Variants in VEGFC observed in about 807,000 individuals in gnomAD.
VEGFC encodes vascular endothelial growth factor C, also known as FLT4 ligand DHM.
VEGFC carries 12 observed loss-of-function variants against 46.1 expected under a neutral mutation model. The ratio of observed to expected loss-of-function variants is 0.26; its 90% CI spans 0.17 to 0.42. The LOEUF (loss-of-function observed/expected upper bound fraction) is 0.42. Among genes scored for constraint, VEGFC ranks in the 10% least tolerant of loss-of-function variants. The pLI, the probability that VEGFC is intolerant of heterozygous loss-of-function variation, is 1.00. For missense variants in VEGFC, 488 were observed against 529.4 expected (o/e 0.92, Z 0.77); for synonymous variants, 232 against 195.5 (o/e 1.19, Z -1.56).
intron 3 of VEGFC, among the ~76,000 whole-genome samples, chr4:176,719,627 C>T (rs1158665304): frequency 2.0e-5 from 3 of 152,170 alleles, no homozygotes; most frequent in Admixed American, 2.0e-4. Flanking sequence ...ATGTTGATTT[C>T]GCTTGCTAAT....
At chr4:176,684,148 T>C in intron 6 of VEGFC, 108 bp from the exon 7 acceptor site, 1 of 825,610 alleles carries the variant, frequency 1.2e-6, no homozygotes, top group East Asian at 2.5e-5. Flanking sequence ...ATAAAATTAC[T>C]AATTTTATGA....
In VEGFC at chr4:176,792,271, A is replaced by T. The variant is rs1736111133; in HGVS notation, c.41T>A (p.Leu14His). 1 of 1,549,956 alleles carries T rather than the reference A, an allele frequency of 6.5e-7. No homozygotes were observed. Among genetic ancestry groups the T allele is most frequent in the Admixed American group, 2.0e-5 (1 of 50,230 alleles). ...LGFFSVACSLLAAALLPGPRE... is the reference protein window; with the variant it reads ...LGFFSVACSLHAAALLPGPRE... ...AGGACCCGGGAGCAGCGCAGCGGCGAGCAGAGAACACGCCACAGAGAAGAA... is the reference window on the plus strand; with the variant it reads ...AGGACCCGGGAGCAGCGCAGCGGCGTGCAGAGAACACGCCACAGAGAAGAA... The change falls in exon 1 of 7, where the codon CTC becomes CAC. Residue 14 changes from leucine to histidine, a missense_variant. Transcript: ENST00000618562. The surrounding 1 kb of genome is among the most constrained non-coding windows in gnomAD (Gnocchi z 6.3).
intron 4 of VEGFC, among the ~76,000 whole-genome samples, chr4:176,703,900 C>T (rs1734478147): frequency 6.6e-6 from 1 of 152,122 alleles, no homozygotes; most frequent in East Asian, 1.9e-4. Context: ...CTTTCTGATT[C>T]AGTTTCTCAT....
chr4:176,741,268 T>C (rs1388237867), intron 1 of VEGFC, among the ~76,000 whole-genome samples: 1 of 152,044 alleles, frequency 6.6e-6, no homozygotes, highest in Admixed American at 6.6e-5. Context: ...ATGTTTGTGC[T>C]AATTCCTGCT....
At chr4:176,756,707 T>C (rs1385548858) in intron 1 of VEGFC, among the ~76,000 whole-genome samples, 1 of 152,054 alleles carries the variant, frequency 6.6e-6, no homozygotes, top group Non-Finnish European at 1.5e-5. Context: ...GGTTAAGATG[T>C]AGAAATGATA....
At chr4:176,714,989 A>C (rs1374669506) in intron 3 of VEGFC, among the ~76,000 whole-genome samples, 1 of 152,250 alleles carries the variant, frequency 6.6e-6, no homozygotes, top group African/African-American at 2.4e-5. Flanking sequence ...CAGGTAAAAC[A>C]GCACTAAAAC....
intron 1 of VEGFC, among the ~76,000 whole-genome samples, chr4:176,778,444 G>A (rs770001924): frequency 6.6e-5 from 10 of 151,910 alleles, no homozygotes; most frequent in African/African-American, 2.2e-4. Context: ...AATGCTAGTA[G>A]AGGGCAAGTT....
chr4:176,751,304 G>A (rs1298266533), intron 1 of VEGFC, among the ~76,000 whole-genome samples: 9 of 151,950 alleles, frequency 5.9e-5, no homozygotes, highest in Middle Eastern at 3.4e-3. Flanking sequence ...GAATTGAAAC[G>A]CGAATAGCTC....
intron 1 of VEGFC, among the ~76,000 whole-genome samples, chr4:176,777,196 A>C (rs1380196941): frequency 1.3e-5 from 2 of 152,156 alleles, no homozygotes; most frequent in Non-Finnish European, 2.9e-5. Flanking sequence ...GGGCGCCTGT[A>C]GTCCCAGCTA....
chr4:176,718,077 T>TC (rs1734725145), intron 3 of VEGFC, among the ~76,000 whole-genome samples: 1 of 152,160 alleles, frequency 6.6e-6, no homozygotes, highest in Non-Finnish European at 1.5e-5. Context: ...TACGTGAATC[T>TC]CATTGTACCT....
intron 3 of VEGFC, among the ~76,000 whole-genome samples, chr4:176,724,836 T>C (rs1374526199): frequency 6.6e-6 from 1 of 152,148 alleles, no homozygotes; most frequent in Non-Finnish European, 1.5e-5. Context: ...AAATCCTGCA[T>C]GTTCTCATTT....
At chr4:176,692,937 TAACA>T (rs1734234399) in intron 4 of VEGFC, among the ~76,000 whole-genome samples, 1 of 148,008 alleles carries the variant, frequency 6.8e-6, no homozygotes, top group Non-Finnish European at 1.5e-5. Flanking sequence ...GAAGGAAAAC[TAACA>T]AACAGAAAGG....
intron 1 of VEGFC, among the ~76,000 whole-genome samples, chr4:176,788,429 C>G (rs1736038096): frequency 6.6e-6 from 1 of 152,198 alleles, no homozygotes; most frequent in Admixed American, 6.5e-5. Context: ...CCAAAGGAGA[C>G]CAGCAGAGGG....
intron 4 of VEGFC, among the ~76,000 whole-genome samples, chr4:176,709,990 G>T (rs1281287017): frequency 1.3e-5 from 2 of 151,900 alleles, no homozygotes; most frequent in Admixed American, 6.6e-5. Flanking sequence ...GTTTAGATGG[G>T]ATAGAAGAAG....
At chr4:176,722,050 A>C (rs1013487308) in intron 3 of VEGFC, among the ~76,000 whole-genome samples, 5 of 152,326 alleles carry the variant, frequency 3.3e-5, no homozygotes, top group Middle Eastern at 3.4e-3. Flanking sequence ...ATGCTATATA[A>C]ATTTTAAAAT....
At chr4:176,762,581 G>A (rs540072084) in intron 1 of VEGFC, among the ~76,000 whole-genome samples, 5 of 152,246 alleles carry the variant, frequency 3.3e-5, no homozygotes, top group East Asian at 1.9e-4. Context: ...GCACAAATCA[G>A]ACTTAAGACA....
chr4:176,700,734 T>C (rs7693545), intron 4 of VEGFC, among the ~76,000 whole-genome samples: 118,526 of 152,132 alleles, frequency 0.78, 46,812 homozygotes, highest in East Asian at 0.95. Flanking sequence ...TCCATGGTTA[T>C]TGGATTTATC....
At position 176,727,843 on chromosome 4, in the gene VEGFC, C is replaced by A. The variant is rs2111016337; in HGVS notation, c.487G>T (p.Gly163Trp). Residue 163 changes from glycine (G) to tryptophan (W), a missense_variant, in exon 3 of 7, where the codon GGG becomes TGG. Coordinates refer to ENST00000618562, the MANE Select transcript of VEGFC (RefSeq NM_005429.5). ...KPPCVSVYRC[G>W]GCCNSEGLQC... ...AGCCCCTCACTATTGCAGCAACCCC[C>A]ACATCTGTAGACGGACACACATGGA... 5 of 1,613,940 alleles carry A rather than the reference C, an allele frequency of 3.1e-6. No homozygotes were observed. Among genetic ancestry groups the A allele is most frequent in the Non-Finnish European group, 4.2e-6 (5 of 1,179,900 alleles).
intron 1 of VEGFC, among the ~76,000 whole-genome samples, chr4:176,748,372 T>C (rs1201889181): frequency 6.6e-6 from 1 of 152,136 alleles, no homozygotes; most frequent in Non-Finnish European, 1.5e-5. Context: ...TTGTGGCTCT[T>C]ATCCAACCTC....
Sources: gnomAD v4.1 joint callset for allele counts (sites outside exome capture counted in the v4.1 genomes callset) on GRCh38, gnomAD v4.1.1 for gene constraint, Gnocchi (gnomAD v3.1) non-coding constraint, MANE v1.5 for transcripts, NCBI Gene and HGNC (gene_info 2026-07-23, HGNC 2026-07-21) for gene names.